Variants in CNTNAP2 observed in about 807,000 individuals in gnomAD.
CNTNAP2 encodes contactin associated protein 2.
A neutral mutation model predicts 155.2 loss-of-function variants in CNTNAP2; 98 were observed. The ratio of observed to expected loss-of-function variants is 0.63; its 90% CI spans 0.54 to 0.75. CNTNAP2 has a LOEUF of 0.75. Among genes scored for constraint, CNTNAP2 ranks in the 30% least tolerant of loss-of-function variants. The probability of loss-of-function intolerance (pLI) is 0.00; values close to 1 mark genes in which losing one functional copy is unlikely to be tolerated. For missense variants in CNTNAP2, 1,727 were observed against 1,688.1 expected (o/e 1.02, Z -0.40); for synonymous variants, 651 against 631.2 (o/e 1.03, Z -0.47).
At chr7:146,975,102 T>C (rs1057175046) in intron 3 of CNTNAP2, among the ~76,000 whole-genome samples, 2 of 152,200 alleles carry the variant, frequency 1.3e-5, no homozygotes, top group African/African-American at 4.8e-5. Context: ...CAGAAGTACA[T>C]ATTTTGGGTG....
chr7:147,680,406 A>G (rs901503284), intron 13 of CNTNAP2, among the ~76,000 whole-genome samples: 6 of 151,978 alleles, frequency 3.9e-5, no homozygotes, highest in African/African-American at 1.4e-4. Flanking sequence ...AAGCATATCA[A>G]GACATATGAG....
At chr7:146,391,239 A>C (rs1795539364) in intron 1 of CNTNAP2, among the ~76,000 whole-genome samples, 1 of 151,592 alleles carries the variant, frequency 6.6e-6, no homozygotes, top group African/African-American at 2.4e-5. Flanking sequence ...GAAGTGGCTG[A>C]GAAGCATGAT....
intron 12 of CNTNAP2, among the ~76,000 whole-genome samples, chr7:147,588,781 C>T (rs1433437623): frequency 6.6e-6 from 1 of 152,158 alleles, no homozygotes; most frequent in South Asian, 2.1e-4. Context: ...TTCACACAAC[C>T]TCACAACAAG....
chr7:147,123,294 C>G (rs1286799828), intron 6 of CNTNAP2, among the ~76,000 whole-genome samples: 4 of 152,012 alleles, frequency 2.6e-5, no homozygotes, highest in African/African-American at 9.7e-5. Flanking sequence ...CTTTGAAGTA[C>G]CATAGAAGAG....
chr7:147,925,156 AAGGAAGGAAGGAAGGAAGGAAGGAAG>A (rs1349454755), intron 14 of CNTNAP2, among the ~76,000 whole-genome samples: 2 of 61,230 alleles, frequency 3.3e-5, no homozygotes, highest in East Asian at 4.6e-4. Flanking sequence ...AGAGAGAGAG[AAGGAAGGAAGGAAGGAAGGAAGGAAG>A]GAAGGAAGGA....
chr7:148,303,652 T>TC (rs1375000587), intron 21 of CNTNAP2, among the ~76,000 whole-genome samples: 1 of 152,228 alleles, frequency 6.6e-6, no homozygotes, highest in Non-Finnish European at 1.5e-5. Flanking sequence ...GATGATAATA[T>TC]CAATAAATTA....
intron 8 of CNTNAP2, among the ~76,000 whole-genome samples, chr7:147,272,177 C>A (rs1804767360): frequency 6.6e-6 from 1 of 152,184 alleles, no homozygotes; most frequent in Non-Finnish European, 1.5e-5. Context: ...ACAGGCATAG[C>A]CACTGCACCT....
intron 1 of CNTNAP2, among the ~76,000 whole-genome samples, chr7:146,564,520 A>G: frequency 6.7e-6 from 1 of 148,990 alleles, no homozygotes; most frequent in South Asian, 2.1e-4. Context: ...TATATTATAT[A>G]ACAAATATAC....
At chr7:146,201,222 G>C (rs1396682683) in intron 1 of CNTNAP2, among the ~76,000 whole-genome samples, 2 of 152,092 alleles carry the variant, frequency 1.3e-5, no homozygotes, top group Admixed American at 6.6e-5. Context: ...AAGCTAAAAA[G>C]TGTAAAAGTG....
intron 13 of CNTNAP2, among the ~76,000 whole-genome samples, chr7:147,886,624 A>G (rs1378969084): frequency 6.6e-6 from 1 of 151,904 alleles, no homozygotes; most frequent in Non-Finnish European, 1.5e-5. Context: ...TTGAGGTGTG[A>G]CATTTATTGT....
rs772320412 is a variant in CNTNAP2 at position 147,121,125 on chromosome 7, A to G, written c.901A>G (p.Thr301Ala). The G allele has an allele frequency of 2.9e-5, 47 of 1,614,032 alleles. No homozygotes were observed. The East Asian group carries it at 1.0e-3, about 36-fold the overall frequency. ...GGACAGGAGCATGCAGCACTTCCGT[A>G]CCAATGGAGAGTTTGACTACCTGGA... is the stretch of plus-strand genomic sequence containing the variant. ...TLDRSMQHFR[T>A]NGEFDYLDLD... is the part of the protein sequence containing the mutation. Residue 301 changes from threonine (T) to alanine (A), a missense_variant, in exon 6 of 24, where the codon ACC (threonine) becomes GCC (alanine). By Grantham distance (58) the Thr-to-Ala change is moderately conservative. Coordinates refer to ENST00000361727, the MANE Select transcript of CNTNAP2 (RefSeq NM_014141.6).
intron 1 of CNTNAP2, among the ~76,000 whole-genome samples, chr7:146,616,085 C>A (rs904603978): frequency 1.3e-5 from 2 of 151,798 alleles, no homozygotes; most frequent in African/African-American, 4.8e-5. Context: ...TTTCCTATTG[C>A]AGTAAAATAT....
In CNTNAP2 at chr7:147,639,982, G is replaced by A. The variant is rs143996598; in HGVS notation, c.2098+676G>A. ...TGGCAGTAAATTCGAGATGTTGTCA[G>A]AAAACTGCATCTCTGTGTCTGTAGT... On this transcript the variant is annotated intron_variant, in intron 13 of 23. Transcript: ENST00000361727. Among the ~76,000 whole-genome samples the A allele has an allele frequency of 5.3e-5, 8 of 152,254 alleles. No homozygotes were observed. In the East Asian group the frequency reaches 1.4e-3, roughly 26 times the overall value.
At chr7:147,764,589 T>C (rs1481001397) in intron 13 of CNTNAP2, among the ~76,000 whole-genome samples, 1 of 152,154 alleles carries the variant, frequency 6.6e-6, no homozygotes, top group African/African-American at 2.4e-5. Flanking sequence ...TCTACATAAA[T>C]TCAAAAGGTT....
intron 21 of CNTNAP2, among the ~76,000 whole-genome samples, chr7:148,303,840 G>A (rs1054481944): frequency 1.3e-5 from 2 of 152,158 alleles, no homozygotes; most frequent in African/African-American, 4.8e-5. Context: ...GATTAATTAT[G>A]GATGCTTTTC....
At chr7:147,959,003 G>C (rs1328396481) in intron 14 of CNTNAP2, among the ~76,000 whole-genome samples, 1 of 152,038 alleles carries the variant, frequency 6.6e-6, no homozygotes, top group African/African-American at 2.4e-5. Context: ...ATACAAAAAG[G>C]CTCCACTTTT....
At chr7:147,982,845 C>T (rs10952720) in intron 15 of CNTNAP2, among the ~76,000 whole-genome samples, 45,464 of 151,494 alleles carry the variant, frequency 0.3, 7,292 homozygotes, top group East Asian at 0.56. Context: ...TGGTGAAGCC[C>T]TGTCTCTAAT....
At chr7:146,756,261 C>T (rs1055296754) in intron 1 of CNTNAP2, among the ~76,000 whole-genome samples, 2 of 151,852 alleles carry the variant, frequency 1.3e-5, no homozygotes, top group African/African-American at 2.4e-5. Context: ...GTGGTTAACT[C>T]TAATTTGTTT....
chr7:147,494,272 A>G (rs1798656601), intron 11 of CNTNAP2, among the ~76,000 whole-genome samples: 1 of 152,176 alleles, frequency 6.6e-6, no homozygotes, highest in African/African-American at 2.4e-5. Context: ...ATTACACTGG[A>G]TTAAAATAGT....
Sources: gnomAD v4.1 joint callset for allele counts (sites outside exome capture counted in the v4.1 genomes callset) on GRCh38, gnomAD v4.1.1 for gene constraint, MANE v1.5 for transcripts, NCBI Gene and HGNC (gene_info 2026-07-23, HGNC 2026-07-21) for gene names.